The following ATRX variants were observed in gnomAD, a reference collection of about 807,000 sequenced individuals.
ATRX encodes ATRX chromatin remodeler.
A neutral mutation model predicts 172.6 loss-of-function variants in ATRX; 12 were observed. That is an observed-to-expected ratio of 0.07 (90% CI 0.04 to 0.11). ATRX has a LOEUF of 0.11. Ranked by LOEUF, ATRX falls within the 10% of genes least tolerant of loss-of-function variation. The probability of loss-of-function intolerance (pLI) is 1.00; values close to 1 mark genes in which losing one functional copy is unlikely to be tolerated. For missense variants in ATRX, 1,368 were observed against 1,767.4 expected, an observed-to-expected ratio of 0.77 and a Z score of 4.05; for synonymous variants, 674 against 594.7, an observed-to-expected ratio of 1.13 and a Z score of -1.94.
rs781823332 is a variant in ATRX, at chrX:77,682,649, C to T, written c.2607G>A (p.Lys869=). The T allele has an allele frequency of 7.4e-6, 9 of 1,209,529 alleles. No individual in the cohort carries two copies. Among genetic ancestry groups the T allele is most frequent in the Non-Finnish European group, 8.9e-6 (8 of 895,330 alleles). ...GMDNQGHKNL[K]TSQEGSSDDA... ...CATCAGATGATCCTTCTTGTGAGGT[C>T]TTCAAATTTTTGTGCCCTTGATTAT... Residue 869 remains lysine (K), a synonymous_variant, in exon 9 of 35, where the codon AAG becomes AAA. Coordinates refer to ENST00000373344, the MANE Select transcript of ATRX (RefSeq NM_000489.6).
At position 77,575,204 on chromosome X, in the gene ATRX, T is replaced by C. The variant is rs782380508; in HGVS notation, c.6218-846A>G. ...AACAGTTAACAAAACTGAGATTTAC[T>C]TATGTCTTTCCAGCAAGCTCTTTAA... On this transcript the variant is annotated intron_variant, in intron 27 of 34. Coordinates refer to ENST00000373344, the MANE Select transcript of ATRX (RefSeq NM_000489.6). 2.2e-4 allele frequency among the ~76,000 whole-genome samples: 24 copies of C among 111,071 alleles called. No individual in the cohort carries two copies. The Admixed American group carries it at 2.3e-3, about 11-fold the overall frequency.
At chrX:77,687,426 A>G (rs901687932) in intron 7 of ATRX, among the ~76,000 whole-genome samples, 8 of 111,965 alleles carry the variant, frequency 7.1e-5, no homozygotes, top group Non-Finnish European at 1.3e-4. Flanking sequence ...ATCTAAAGTC[A>G]TACAACTAGT....
At chrX:77,747,609 C>T (rs924440771) in intron 1 of ATRX, among the ~76,000 whole-genome samples, 2 of 111,451 alleles carry the variant, frequency 1.8e-5, no homozygotes, top group Non-Finnish European at 3.8e-5. Flanking sequence ...AATATTTACA[C>T]CAAATGCTGA....
intron 22 of ATRX, 74 bp downstream of exon 22, chrX:77,616,539 A>G: frequency 2.6e-6 from 3 of 1,161,515 alleles, no homozygotes; most frequent in Non-Finnish European, 2.4e-6. Flanking sequence ...ACATAGTAAG[A>G]TGACTGAAAT....
At chrX:77,720,846 T>C (rs192692452) in intron 1 of ATRX, among the ~76,000 whole-genome samples, 1 of 111,645 alleles carries the variant, frequency 9.0e-6, no homozygotes, top group East Asian at 2.8e-4. Flanking sequence ...ATCATCCTGA[T>C]ACCAAAACCT....
At chrX:77,717,380 G>A (rs2073492035) in intron 1 of ATRX, 137 bp from the exon 2 acceptor site, 7 of 512,250 alleles carry the variant, frequency 1.4e-5, no homozygotes, top group Non-Finnish European at 2.3e-5. Flanking sequence ...AAAACTAAGG[G>A]AAATGTTACA....
chrX:77,713,257 CTG>C (rs1388708458), intron 2 of ATRX, among the ~76,000 whole-genome samples: 1 of 111,626 alleles, frequency 9.0e-6, no homozygotes, highest in African/African-American at 3.3e-5. Flanking sequence ...AGAAAGAAGA[CTG>C]GAATTGAATT....
chrX:77,553,412 A>G (rs1198868501), intron 30 of ATRX, among the ~76,000 whole-genome samples: 1 of 111,546 alleles, frequency 9.0e-6, no homozygotes, highest in Non-Finnish European at 1.9e-5. Flanking sequence ...CTGATACATA[A>G]AATGATTTTT....
intron 15 of ATRX, among the ~76,000 whole-genome samples, chrX:77,637,331 AGTGT>A (rs1206221252): frequency 3.6e-5 from 4 of 111,518 alleles, no homozygotes; most frequent in Admixed American, 1.9e-4. Context: ...ACAGGTAACA[AGTGT>A]GTGTGTGCAT....
At chrX:77,536,174 T>C (rs1602421094) in intron 30 of ATRX, among the ~76,000 whole-genome samples, 1 of 110,841 alleles carries the variant, frequency 9.0e-6, no homozygotes, top group Non-Finnish European at 1.9e-5. Flanking sequence ...CTCAGTCTCC[T>C]GAGTAGCTGG....
At chrX:77,645,927 A>G (rs2068888855) in intron 15 of ATRX, among the ~76,000 whole-genome samples, 1 of 111,817 alleles carries the variant, frequency 8.9e-6, no homozygotes, top group Admixed American at 9.5e-5. Flanking sequence ...TGTTATATGT[A>G]ATCTCCATGA....
At chrX:77,588,014 C>A (rs1163281056) in intron 27 of ATRX, among the ~76,000 whole-genome samples, 4 of 111,898 alleles carry the variant, frequency 3.6e-5, no homozygotes. Context: ...GCCACACTTT[C>A]CAATTTCAAC....
chrX:77,554,345 G>A (rs1557057885), intron 30 of ATRX, among the ~76,000 whole-genome samples: 1 of 111,186 alleles, frequency 9.0e-6, no homozygotes, highest in Non-Finnish European at 1.9e-5. Context: ...CCCTTTAAAA[G>A]CTAGTCTATT....
intron 26 of ATRX, among the ~76,000 whole-genome samples, chrX:77,592,363 A>G (rs1557081136): frequency 9.9e-6 from 1 of 100,604 alleles, no homozygotes; most frequent in African/African-American, 3.7e-5. Flanking sequence ...TAGTGAGCTG[A>G]GATTGCGCCA....
chrX:77,536,664 C>CG (rs1462838939), intron 30 of ATRX, among the ~76,000 whole-genome samples: 1 of 111,827 alleles, frequency 8.9e-6, no homozygotes, highest in African/African-American at 3.2e-5. Flanking sequence ...AATTAAAGGA[C>CG]GTATAGCTTT....
chrX:77,754,176 T>C lies in ATRX; in HGVS notation c.20+31806A>G, dbSNP rs781944279. ...TTACAACACCCCTTTTTTTTTTGTT[T>C]TTTCCATTTGCTTGGTTAATATTCC... On this transcript the variant is annotated intron_variant, in intron 1 of 34. Coordinates refer to ENST00000373344, the MANE Select transcript of ATRX (RefSeq NM_000489.6). 7.2e-5 allele frequency among the ~76,000 whole-genome samples: 8 copies of C among 111,456 alleles called. No individual in the cohort carries two copies. In the South Asian group the frequency reaches 3.0e-3, roughly 42 times the overall value.
At chrX:77,577,325 G>A (rs191417931) in intron 27 of ATRX, among the ~76,000 whole-genome samples, 68 of 111,179 alleles carry the variant, frequency 6.1e-4, no homozygotes, top group African/African-American at 1.9e-3. Context: ...GTGTGTGGTG[G>A]TATCTCATTA....
intron 1 of ATRX, among the ~76,000 whole-genome samples, chrX:77,719,661 C>T (rs1007126434): frequency 2.2e-4 from 25 of 111,530 alleles, no homozygotes; most frequent in African/African-American, 7.2e-4. Context: ...GTACCCAATA[C>T]GGGAGCACCC....
Position 77,698,616 on chromosome X carries a change from A to G in ATRX, c.147T>C (p.Gly49=). Residue 49 remains glycine, a synonymous_variant, in exon 3 of 35, where the codon GGT becomes GGC. Transcript: ENST00000373344. ...CCATCATATCAGAGTTACTTCCAGA[A>G]CCACTGATTTTATCTAAAAAAGAAG... ...AMNQNTDKIS[G]SGSNSDMMEN... The G allele has an allele frequency of 8.3e-7, 1 of 1,202,954 alleles. No homozygotes were observed. Among genetic ancestry groups the G allele is most frequent in the East Asian group, 3.0e-5 (1 of 33,748 alleles).
Sources: gnomAD v4.1 joint callset for allele counts (sites outside exome capture counted in the v4.1 genomes callset) on GRCh38, gnomAD v4.1.1 for gene constraint, MANE v1.5 for transcripts, NCBI Gene and HGNC (gene_info 2026-07-23, HGNC 2026-07-21) for gene names.